ST3GAL3: variants seen among roughly 807,000 people sequenced by gnomAD.
ST3GAL3 encodes ST3 beta-galactoside alpha-2,3-sialyltransferase 3.
ST3GAL3 carries 21 observed loss-of-function variants against 50.1 expected under a neutral mutation model. The observed-to-expected ratio is 0.42, with a 90% CI of 0.30 to 0.60. The LOEUF (loss-of-function observed/expected upper bound fraction) is 0.60. ST3GAL3 is among the 20% of genes least tolerant of loss of function. ST3GAL3 has a pLI of 0.19. For missense variants in ST3GAL3, 353 were observed against 489.4 expected, an observed-to-expected ratio of 0.72 and a Z score of 2.63; for synonymous variants, 183 against 190.0, an observed-to-expected ratio of 0.96 and a Z score of 0.30.
chr1:43,838,226 G>C lies in ST3GAL3; in HGVS notation c.217G>C (p.Glu73Gln), dbSNP rs1041770887. Residue 73 changes from glutamate to glutamine, a missense_variant, in exon 5 of 12, where the codon GAA (glutamate) becomes CAA (glutamine). Transcript: ENST00000347631. ...LLNLDSKLPA[E>Q]LATKYANFSE... ...TTCCTTCTCTTCCCATAGGCCTGCT[G>C]AATTAGCCACCAAGTACGCAAACTT... 6.2e-7 allele frequency: 1 copy of C among 1,610,944 alleles called. No homozygotes were observed. The highest frequency in any genetic ancestry group is 1.3e-5 in the African/African-American group (1 of 74,644).
intron 5 of ST3GAL3, among the ~76,000 whole-genome samples, chr1:43,890,751 G>A (rs1002081756): frequency 3.9e-5 from 6 of 152,140 alleles, no homozygotes; most frequent in African/African-American, 1.2e-4. Context: ...GGGTATGGGG[G>A]TGGATGTCTG....
intron 1 of ST3GAL3, among the ~76,000 whole-genome samples, chr1:43,728,730 G>A (rs1674190389): frequency 6.6e-6 from 1 of 152,136 alleles, no homozygotes; most frequent in African/African-American, 2.4e-5. Context: ...TGGTCTGAAT[G>A]ACAGAAACTG....
At chr1:43,742,827 G>A (rs529467860) in intron 2 of ST3GAL3, among the ~76,000 whole-genome samples, 3 of 152,244 alleles carry the variant, frequency 2.0e-5, no homozygotes, top group South Asian at 2.1e-4. Context: ...TACATAAAAC[G>A]GAAGAAGCCC....
At chr1:43,748,423 A>ATTTTTT (rs1215322512) in intron 2 of ST3GAL3, among the ~76,000 whole-genome samples, 4 of 111,140 alleles carry the variant, frequency 3.6e-5, no homozygotes, top group African/African-American at 7.3e-5. Context: ...AACAGCCCCC[A>ATTTTTT]TTTTTTTTTT....
At chr1:43,733,466 A>C (rs1172295032) in intron 1 of ST3GAL3, among the ~76,000 whole-genome samples, 1 of 152,160 alleles carries the variant, frequency 6.6e-6, no homozygotes, top group Non-Finnish European at 1.5e-5. Context: ...AATTGAGTAC[A>C]TTTATATGTA....
chr1:43,800,158 T>C (rs1168967146), intron 3 of ST3GAL3, among the ~76,000 whole-genome samples: 1 of 152,132 alleles, frequency 6.6e-6, no homozygotes, highest in East Asian at 1.9e-4. Flanking sequence ...ACCAGAAGCT[T>C]CCTACTAGGC....
intron 2 of ST3GAL3, among the ~76,000 whole-genome samples, chr1:43,746,008 T>C (rs574458434): frequency 6.6e-6 from 1 of 152,348 alleles, no homozygotes; most frequent in Non-Finnish European, 1.5e-5. Flanking sequence ...CTAAATACAC[T>C]CTATGATATT....
At chr1:43,858,424 C>T (rs2069051480) in intron 5 of ST3GAL3, 3 of 910,710 alleles carry the variant, frequency 3.3e-6, no homozygotes, top group Admixed American at 3.8e-5. Context: ...AAGCACAGTC[C>T]CTGGTGAGAG....
chr1:43,748,382 G>A (rs1572055370), intron 2 of ST3GAL3, among the ~76,000 whole-genome samples: 1 of 150,938 alleles, frequency 6.6e-6, no homozygotes, highest in East Asian at 1.9e-4. Context: ...GATTTATGAT[G>A]CCTATGTATT....
At chr1:43,868,955 A>T (rs965079439) in intron 5 of ST3GAL3, among the ~76,000 whole-genome samples, 11 of 152,168 alleles carry the variant, frequency 7.2e-5, no homozygotes, top group African/African-American at 2.7e-4. Flanking sequence ...AAGTCCCTAG[A>T]TGCTAGCACT....
intron 5 of ST3GAL3, among the ~76,000 whole-genome samples, chr1:43,881,534 A>G (rs948102142): frequency 6.6e-6 from 1 of 151,876 alleles, no homozygotes; most frequent in Non-Finnish European, 1.5e-5. Context: ...TTCCTCCCCT[A>G]CGTTCCCCAC....
At chr1:43,713,015 C>T (rs1250653860) in intron 1 of ST3GAL3, among the ~76,000 whole-genome samples, 1 of 152,174 alleles carries the variant, frequency 6.6e-6, no homozygotes, top group South Asian at 2.1e-4. Flanking sequence ...GTGGAAGAGG[C>T]AGAATAGTGA....
At chr1:43,907,326 C>G (rs866420024) in intron 9 of ST3GAL3, among the ~76,000 whole-genome samples, 1 of 152,336 alleles carries the variant, frequency 6.6e-6, no homozygotes. Context: ...TTTCCCAGTG[C>G]TTTCCTTCAG....
intron 2 of ST3GAL3, among the ~76,000 whole-genome samples, chr1:43,750,367 A>G (rs1172449276): frequency 6.6e-6 from 1 of 152,240 alleles, no homozygotes; most frequent in Non-Finnish European, 1.5e-5. Flanking sequence ...GTTGTAAACA[A>G]ATGTTGGTGG....
At chr1:43,898,483 C>T (rs1413869707) in intron 7 of ST3GAL3, 185 bp downstream of exon 7, 11 of 676,042 alleles carry the variant, frequency 1.6e-5, no homozygotes, top group African/African-American at 8.8e-5. Context: ...TGCACCCCCA[C>T]GGGCTGTCAG....
intron 1 of ST3GAL3, among the ~76,000 whole-genome samples, chr1:43,719,381 G>GC (rs1486100908): frequency 6.7e-6 from 1 of 150,154 alleles, no homozygotes; most frequent in Admixed American, 6.6e-5. Context: ...GTGGCTTGGG[G>GC]CCAGGCACGG....
intron 11 of ST3GAL3, among the ~76,000 whole-genome samples, chr1:43,926,918 C>T (rs972404329): frequency 2.6e-5 from 4 of 152,148 alleles, no homozygotes; most frequent in Admixed American, 6.5e-5. Flanking sequence ...ACGTTCCTGC[C>T]CCCCACCTTC....
intron 5 of ST3GAL3, among the ~76,000 whole-genome samples, chr1:43,882,785 A>T (rs1406224071): frequency 6.6e-6 from 1 of 152,116 alleles, no homozygotes; most frequent in Non-Finnish European, 1.5e-5. Flanking sequence ...CAGCTGGCCT[A>T]TAGGCTGTAG....
chr1:43,786,329 C>T (rs1325815163), intron 2 of ST3GAL3, among the ~76,000 whole-genome samples: 1 of 152,194 alleles, frequency 6.6e-6, no homozygotes, highest in Admixed American at 6.5e-5. Flanking sequence ...CCTGCAGATG[C>T]GGCTCCTGTC....
Sources: allele counts gnomAD v4.1 joint callset (sites outside exome capture counted in the v4.1 genomes callset), GRCh38; gene constraint gnomAD v4.1.1; transcripts MANE v1.5; gene names NCBI Gene and HGNC (gene_info 2026-07-23, HGNC 2026-07-21).